The following HIPK2 variants were observed in gnomAD, a reference collection of about 807,000 sequenced individuals.
The protein encoded by HIPK2 is homeodomain interacting protein kinase 2.
In HIPK2, 27 loss-of-function variants were observed where a neutral mutation model predicts 113.7. That is an observed-to-expected ratio of 0.24 (90% CI 0.17 to 0.33). The LOEUF is 0.33. HIPK2 is among the 10% of genes least tolerant of loss of function. HIPK2 has a pLI of 1.00. For synonymous variants in HIPK2, 631 were observed against 642.2 expected (o/e 0.98, Z 0.26); for missense variants, 1,257 against 1,588.0 (o/e 0.79, Z 3.54).
intron 2 of HIPK2, among the ~76,000 whole-genome samples, chr7:139,661,488 C>T (rs577461656): frequency 6.6e-6 from 1 of 152,294 alleles, no homozygotes; most frequent in East Asian, 1.9e-4. Context: ...GGGTCTTCTC[C>T]TTTCTTCTCC....
chr7:139,600,672 T>A, intron 10 of HIPK2, 76 bp from the exon 11 acceptor site: 1 of 1,511,048 alleles, frequency 6.6e-7, no homozygotes, highest in Admixed American at 1.9e-5. Context: ...TCAAGCTTCC[T>A]CCCCAATTAA....
intron 2 of HIPK2, among the ~76,000 whole-genome samples, chr7:139,634,674 G>GTTT (rs1181829827): frequency 1.8e-4 from 21 of 113,626 alleles, no homozygotes; most frequent in African/African-American, 4.4e-4. Flanking sequence ...TCTGTTTCAG[G>GTTT]TTTTTTTTTT....
At chr7:139,579,490 G>A (rs11974260) in intron 13 of HIPK2, among the ~76,000 whole-genome samples, 7,665 of 152,216 alleles carry the variant, frequency 0.05, 408 homozygotes, top group African/African-American at 0.13. Flanking sequence ...ATTGAATTCG[G>A]TTGGATCAAT....
chr7:139,768,951 C>CA (rs1796599937), intron 1 of HIPK2, among the ~76,000 whole-genome samples: 1 of 152,196 alleles, frequency 6.6e-6, no homozygotes, highest in South Asian at 2.1e-4. Flanking sequence ...CTCAGATTCT[C>CA]ATGTGTCAAA....
In HIPK2 at chr7:139,573,415, CAA is replaced by C; in HGVS notation, c.3127-20_3127-19del. 1 of 1,598,636 alleles carries C rather than the reference CAA, an allele frequency of 6.3e-7. No individual in the cohort carries two copies. The highest frequency in any genetic ancestry group is 8.5e-7 in the Non-Finnish European group (1 of 1,178,762). ...TGCTGAGCCTGGGGAGGAGAGGCAC[CAA>C]GAGAGACGTCAGGGGCCGACACATG... On this transcript the variant is annotated intron_variant, in intron 14 of 14. Transcript: ENST00000406875.
At chr7:139,687,611 G>A (rs1205371774) in intron 2 of HIPK2, among the ~76,000 whole-genome samples, 1 of 152,136 alleles carries the variant, frequency 6.6e-6, no homozygotes, top group Non-Finnish European at 1.5e-5. Flanking sequence ...CCCAATTCTT[G>A]TCTCAGTCTA....
intron 2 of HIPK2, among the ~76,000 whole-genome samples, chr7:139,682,790 C>T (rs114500255): frequency 1.0e-3 from 158 of 152,286 alleles, no homozygotes; most frequent in African/African-American, 3.6e-3. Flanking sequence ...GGACAGAAGG[C>T]GCTGGAAGAC....
At chr7:139,765,546 G>A (rs989915779) in intron 1 of HIPK2, among the ~76,000 whole-genome samples, 1 of 152,172 alleles carries the variant, frequency 6.6e-6, no homozygotes, top group Non-Finnish European at 1.5e-5. Context: ...GCTCAATGCT[G>A]TACACTTGGC....
intron 1 of HIPK2, among the ~76,000 whole-genome samples, chr7:139,753,199 T>G (rs1028178696): frequency 6.6e-6 from 1 of 152,214 alleles, no homozygotes; most frequent in African/African-American, 2.4e-5. Context: ...TGATGGAGAC[T>G]GAGGCTGCCT....
chr7:139,584,228 C>T (rs1798762972), intron 12 of HIPK2, 164 bp from the exon 13 acceptor site: 4 of 430,934 alleles, frequency 9.3e-6, no homozygotes, highest in Non-Finnish European at 1.2e-5. Flanking sequence ...ATGCAAAAGT[C>T]CCCTGTGTAG....
chr7:139,739,518 C>T (rs749153889), intron 1 of HIPK2, among the ~76,000 whole-genome samples: 17 of 150,594 alleles, frequency 1.1e-4, no homozygotes, highest in South Asian at 2.1e-4. Flanking sequence ...ACCCTGGAGG[C>T]GGAGGTTGCG....
intron 2 of HIPK2, among the ~76,000 whole-genome samples, chr7:139,633,116 A>AAAAAAAAAAAAAAG (rs1800680474): frequency 1.8e-5 from 2 of 113,170 alleles, no homozygotes; most frequent in African/African-American, 8.5e-5. Context: ...AAAAAAAAAA[A>AAAAAAAAAAAAAAG]AAAGAAAGAA....
At chr7:139,770,676 T>C (rs1364967402) in intron 1 of HIPK2, among the ~76,000 whole-genome samples, 1 of 152,208 alleles carries the variant, frequency 6.6e-6, no homozygotes, top group Non-Finnish European at 1.5e-5. Context: ...TCCACTCACA[T>C]ATTAGGCTGC....
intron 6 of HIPK2, 27 bp from the exon 7 acceptor site, chr7:139,620,590 T>G: frequency 6.2e-7 from 1 of 1,612,160 alleles, no homozygotes; most frequent in Non-Finnish European, 8.5e-7. Context: ...CAGAGGCATA[T>G]TGAGACATAA....
intron 2 of HIPK2, among the ~76,000 whole-genome samples, chr7:139,711,289 G>C (rs1041498172): frequency 6.6e-6 from 1 of 152,104 alleles, no homozygotes; most frequent in Non-Finnish European, 1.5e-5. Context: ...TTAGCCAGGC[G>C]TGGTCATGGG....
intron 2 of HIPK2, among the ~76,000 whole-genome samples, chr7:139,661,930 CCA>C (rs1356373825): frequency 1.3e-5 from 2 of 152,312 alleles, no homozygotes; most frequent in Non-Finnish European, 2.9e-5. Context: ...TTCCCTCCTC[CCA>C]GAGTCTTTTA....
intron 2 of HIPK2, among the ~76,000 whole-genome samples, chr7:139,670,150 A>C (rs1033981698): frequency 1.3e-5 from 2 of 152,204 alleles, no homozygotes; most frequent in Non-Finnish European, 2.9e-5. Flanking sequence ...GGGCCTGAGA[A>C]GGTTCAAGTC....
intron 2 of HIPK2, among the ~76,000 whole-genome samples, chr7:139,713,945 T>C (rs1420757896): frequency 2.6e-5 from 4 of 152,178 alleles, no homozygotes; most frequent in Admixed American, 2.0e-4. Context: ...CACTCAACCA[T>C]TGCCCATCCT....
At chr7:139,627,870 T>G (rs928571119) in intron 5 of HIPK2, among the ~76,000 whole-genome samples, 5 of 152,242 alleles carry the variant, frequency 3.3e-5, no homozygotes, top group African/African-American at 4.8e-5. Flanking sequence ...GAGCTGAGAC[T>G]GTGTAGCAGA....
Sources: allele counts gnomAD v4.1 joint callset (sites outside exome capture counted in the v4.1 genomes callset), GRCh38; gene constraint gnomAD v4.1.1; transcripts MANE v1.5; gene names NCBI Gene and HGNC (gene_info 2026-07-23, HGNC 2026-07-21).